SH3BP2: variants seen among roughly 807,000 people sequenced by gnomAD.
The protein encoded by SH3BP2 is SH3 domain-binding protein 2.
A neutral mutation model predicts 56.2 loss-of-function variants in SH3BP2; 38 were observed. The ratio of observed to expected loss-of-function variants is 0.68; its 90% CI spans 0.52 to 0.89. The LOEUF (loss-of-function observed/expected upper bound fraction) is 0.89. SH3BP2 is among the 40% of genes least tolerant of loss of function. The probability of loss-of-function intolerance (pLI) is 0.00; values close to 1 mark genes in which losing one functional copy is unlikely to be tolerated. For synonymous variants in SH3BP2, 346 were observed against 316.7 expected (o/e 1.09, Z -0.98); for missense variants, 748 against 762.6 (o/e 0.98, Z 0.23).
At chr4:2,795,165 T>A (rs764986262) in intron 1 of SH3BP2, among the ~76,000 whole-genome samples, 13 of 152,098 alleles carry the variant, frequency 8.5e-5, no homozygotes, top group Non-Finnish European at 1.9e-4. Context: ...GAGGGTGCTC[T>A]CCCTGGTCCT....
intron 1 of SH3BP2, among the ~76,000 whole-genome samples, chr4:2,802,118 G>T (rs1224591845): frequency 1.3e-5 from 2 of 151,816 alleles, no homozygotes; most frequent in East Asian, 3.9e-4. Context: ...AAAAAAAGGG[G>T]CCGGGCGCAG....
chr4:2,827,346 C>G, intron 6 of SH3BP2, 28 bp downstream of exon 6: 1 of 1,596,682 alleles, frequency 6.3e-7, no homozygotes, highest in East Asian at 2.2e-5. Flanking sequence ...ATCCACTGCC[C>G]GTTTGCCTCT....
At position 2,837,044 on chromosome 4, in the gene SH3BP2, A is replaced by G. The variant is rs1438166392; in HGVS notation, c.*3210A>G. The G allele has an allele frequency of 1.3e-5, 2 of 151,634 alleles. No homozygotes were observed. The highest frequency in any genetic ancestry group is 2.9e-5 in the Non-Finnish European group (2 of 68,014). 9.4% of individuals were successfully genotyped at this position (151,634 alleles called of 1,614,324 possible). A position where few individuals can be genotyped will look rare whatever the true frequency, so the allele number is the denominator to read the frequency against. On this transcript the variant is annotated 3_prime_UTR_variant, in exon 13 of 13. Transcript: ENST00000503393. ...GTTAATAAAGATTTGTATTGTGAAA[A>G]GATTTTTTCTTTTTTTTTTGGGACA...
intron 5 of SH3BP2, 24 bp downstream of exon 5, chr4:2,825,220 C>A (rs369642567): frequency 6.4e-7 from 1 of 1,558,682 alleles, no homozygotes; most frequent in Non-Finnish European, 8.7e-7. Context: ...CAGGGCATAC[C>A]GGGCAGTGAG....
At position 2,799,060 on chromosome 4, in the gene SH3BP2, T is replaced by C. The variant is rs532914285; in HGVS notation, c.-5+5922T>C. 93 of 985,456 alleles carry C rather than the reference T, an allele frequency of 9.4e-5. 1 individual carries two copies. In the African/African-American group the frequency reaches 1.5e-3, roughly 16 times the overall value. The allele number at this position is 985,456 out of a possible 1,614,324, so 61.0% of individuals were successfully genotyped here. A position where few individuals can be genotyped will look rare whatever the true frequency, so the allele number is the denominator to read the frequency against. On this transcript the variant is annotated intron_variant, in intron 1 of 12. Coordinates refer to ENST00000503393, the MANE Select transcript of SH3BP2 (RefSeq NM_001122681.2). ...TCGAGGCCTCCGGGCTGATTAGGAC[T>C]AATGGCGCTCAGGGGTGCAGCCTCA...
intron 11 of SH3BP2, 69 bp from the exon 12 acceptor site, chr4:2,832,921 C>T (rs1725073228): frequency 7.3e-6 from 11 of 1,503,496 alleles, no homozygotes; most frequent in South Asian, 1.1e-5. Flanking sequence ...CTATCCCCAG[C>T]CCATGGTCTC....
intron 1 of SH3BP2, among the ~76,000 whole-genome samples, chr4:2,817,421 T>A (rs1724046114): frequency 1.3e-5 from 2 of 152,156 alleles, no homozygotes; most frequent in African/African-American, 4.8e-5. Context: ...CCTCGAAGGC[T>A]GGGTGCAGTG....
At position 2,825,341 on chromosome 4, in the gene SH3BP2, C is replaced by T. The variant is rs939902077; in HGVS notation, c.428+145C>T. On this transcript the variant is annotated intron_variant, in intron 5 of 12. Transcript: ENST00000503393. ...GAGGTGCCAGCTGGGCTGCGTCTCTCTGCTCCTGTCTACAGATAAACACAG... is the reference window on the plus strand; with the variant it reads ...GAGGTGCCAGCTGGGCTGCGTCTCTTTGCTCCTGTCTACAGATAAACACAG... 1.6e-4 allele frequency: 115 copies of T among 712,860 alleles called. No individual in the cohort carries two copies. The East Asian group carries it at 3.0e-3, about 19-fold the overall frequency. The allele number at this position is 712,860 out of a possible 1,614,324, so 44.2% of individuals were successfully genotyped here. A position where few individuals can be genotyped will look rare whatever the true frequency, so the allele number is the denominator to read the frequency against.
intron 1 of SH3BP2, among the ~76,000 whole-genome samples, chr4:2,802,402 ATATGTGTGTGTGTGTGTGTGTG>A (rs1391731995): frequency 2.0e-5 from 2 of 100,428 alleles, no homozygotes; most frequent in African/African-American, 6.4e-5. Flanking sequence ...TCAAAAAAAT[ATATGTGTGTGTGTGTGTGTGTG>A]TGTGTGTGTG....
chr4:2,795,625 C>T (rs1648023190), intron 1 of SH3BP2, among the ~76,000 whole-genome samples: 1 of 152,220 alleles, frequency 6.6e-6, no homozygotes, highest in African/African-American at 2.4e-5. Flanking sequence ...AGTGGAGCGG[C>T]TCCCACCCCT....
chr4:2,813,270 G>A lies in SH3BP2; in HGVS notation c.-4-7344G>A, dbSNP rs1296257425. 2.6e-5 allele frequency among the ~76,000 whole-genome samples: 4 copies of A among 152,224 alleles called. No homozygotes were observed. The South Asian group carries it at 8.3e-4, about 31-fold the overall frequency. ...CACCCACTGTGCGCCAAGCTGGGCC[G>A]TGGCTGTGCTGGGCCGGGGGTGGTG... On this transcript the variant is annotated intron_variant, in intron 1 of 12. Transcript: ENST00000503393.
rs1476762220 is a variant in SH3BP2 at position 2,840,295 on chromosome 4, T to G, written c.*6461T>G. ...TATTTCCACTCCAAGGTCATGAAGA[T>G]AGTCTCTTAGATTATATTCTGAAAT... On this transcript the variant is annotated 3_prime_UTR_variant, in exon 13 of 13. Coordinates refer to ENST00000503393, the MANE Select transcript of SH3BP2 (RefSeq NM_001122681.2). The G allele has an allele frequency of 6.8e-6, 1 of 147,714 alleles. No homozygotes were observed. Among genetic ancestry groups the G allele is most frequent in the East Asian group, 2.0e-4 (1 of 5,034 alleles). The allele number at this position is 147,714 out of a possible 1,614,324, so 9.2% of individuals were successfully genotyped here.
At chr4:2,830,441 A>C (rs1724923059) in intron 8 of SH3BP2, among the ~76,000 whole-genome samples, 1 of 152,172 alleles carries the variant, frequency 6.6e-6, no homozygotes, top group Non-Finnish European at 1.5e-5. Context: ...AGCTCACTGC[A>C]ACCTCCACCT....
intron 7 of SH3BP2, among the ~76,000 whole-genome samples, chr4:2,828,324 C>T (rs1457654047): frequency 6.6e-6 from 1 of 152,116 alleles, no homozygotes; most frequent in African/African-American, 2.4e-5. Flanking sequence ...TTCCAGCCTC[C>T]TGTTCTCACT....
intron 10 of SH3BP2, 38 bp downstream of exon 10, chr4:2,832,016 A>G (rs1725016319): frequency 2.5e-6 from 4 of 1,603,530 alleles, no homozygotes; most frequent in Non-Finnish European, 3.4e-6. Context: ...GTCCTCCGCC[A>G]TGCCCGGCTT....
chr4:2,833,687 T>TC lies in SH3BP2; in HGVS notation c.1549-5dup, dbSNP rs781203929. On this transcript the variant is annotated splice_polypyrimidine_tract_variant and intron_variant, in intron 12 of 12. Transcript: ENST00000503393. ...GCCCTGCTGACGCTCCCCCTTCTCTTCCCCCACAGGACTCTAAGTTCTACC... is the reference window on the plus strand; with the variant it reads ...GCCCTGCTGACGCTCCCCCTTCTCTTCCCCCCACAGGACTCTAAGTTCTACC... 3.4e-5 allele frequency: 54 copies of TC among 1,608,988 alleles called. 1 individual carries two copies. The highest frequency in any genetic ancestry group is 3.3e-4 in the Middle Eastern group (2 of 6,058).
Position 2,819,772 on chromosome 4 carries a change from A to G in SH3BP2, c.-4-842A>G, listed in dbSNP as rs75791416. Among the ~76,000 whole-genome samples the G allele has an allele frequency of 1.5e-4, 23 of 152,218 alleles. No individual in the cohort carries two copies. In the East Asian group the frequency reaches 3.9e-3, roughly 26 times the overall value. On this transcript the variant is annotated intron_variant, in intron 1 of 12. Transcript: ENST00000503393. ...TGATGGATGAGTAGAAGTTCTCTGC[A>G]TGGGAAGGGGTGGAGGTCATTTCAG...
Position 2,833,896 on chromosome 4 carries a change from G to A in SH3BP2, c.*62G>A. 3.3e-6 allele frequency: 5 copies of A among 1,506,126 alleles called. No individual in the cohort carries two copies. Among genetic ancestry groups the A allele is most frequent in the Non-Finnish European group, 4.4e-6 (5 of 1,125,676 alleles). The allele number at this position is 1,506,126 out of a possible 1,614,324, so 93.3% of individuals were successfully genotyped here. Reference sequence around the variant, plus strand: ...AGGGGCCCTGACCCCAGGCCACACAGACGGACATGGGCCCACATGGGAGGG... The same window carrying A: ...AGGGGCCCTGACCCCAGGCCACACAAACGGACATGGGCCCACATGGGAGGG... On this transcript the variant is annotated 3_prime_UTR_variant, in exon 13 of 13. Transcript: ENST00000503393.
At chr4:2,820,912 G>T (rs549459383) in intron 2 of SH3BP2, among the ~76,000 whole-genome samples, 159 bp downstream of exon 2, 2 of 152,286 alleles carry the variant, frequency 1.3e-5, no homozygotes, top group South Asian at 4.1e-4. Flanking sequence ...AGAAGCAGAG[G>T]TTGACTTCCC....
Sources: allele counts gnomAD v4.1 joint callset (sites outside exome capture counted in the v4.1 genomes callset), GRCh38; gene constraint gnomAD v4.1.1; transcripts MANE v1.5; gene names NCBI Gene and HGNC (gene_info 2026-07-23, HGNC 2026-07-21).